The following TPO variants were observed in gnomAD, a reference collection of about 807,000 sequenced individuals.
TPO encodes the protein thyroid peroxidase.
In TPO, 78 loss-of-function variants were observed where a neutral mutation model predicts 96.9. The ratio of observed to expected loss-of-function variants is 0.81; its 90% confidence interval spans 0.67 to 0.97. TPO has a LOEUF of 0.97. Ranked by LOEUF, TPO falls within the 50% of genes least tolerant of loss-of-function variation. The probability of loss-of-function intolerance (pLI) is 0.00; values close to 1 mark genes in which losing one functional copy is unlikely to be tolerated. For missense variants in TPO, 1,252 were observed against 1,274.8 expected, an observed-to-expected ratio of 0.98 and a Z score of 0.27; for synonymous variants, 547 against 538.0, an observed-to-expected ratio of 1.02 and a Z score of -0.23.
chr2:1,430,921 A>T (rs1664914088), intron 3 of TPO, among the ~76,000 whole-genome samples: 1 of 152,236 alleles, frequency 6.6e-6, no homozygotes, highest in Non-Finnish European at 1.5e-5. Context: ...CATAGGTAGA[A>T]GGACCTCATC....
At chr2:1,516,608 G>A (rs917365845) in intron 14 of TPO, among the ~76,000 whole-genome samples, 22 of 152,182 alleles carry the variant, frequency 1.4e-4, no homozygotes, top group Admixed American at 8.5e-4. Context: ...CCTGCAGGAC[G>A]CGTCCATGCC....
At chr2:1,530,086 A>G (rs1370879138) in intron 15 of TPO, among the ~76,000 whole-genome samples, 2 of 136,728 alleles carry the variant, frequency 1.5e-5, no homozygotes, top group Non-Finnish European at 3.1e-5. Context: ...AACCTCCTCA[A>G]ATCCCCCCAC....
At chr2:1,379,462 G>C (rs1358424311) in intron 1 of TPO, among the ~76,000 whole-genome samples, 1 of 152,158 alleles carries the variant, frequency 6.6e-6, no homozygotes, top group African/African-American at 2.4e-5. Flanking sequence ...GGCTGATCAC[G>C]AGTCACCTTG....
At chr2:1,542,086 G>C (rs1224454336) in intron 16 of TPO, 8 of 410,342 alleles carry the variant, frequency 1.9e-5, no homozygotes, top group Non-Finnish European at 3.5e-5. Flanking sequence ...ACTGACACCA[G>C]GGGCAAGGCC....
chr2:1,540,569 A>ATAACTGGACAC (rs1680623273), intron 15 of TPO, 25 bp from the exon 16 acceptor site: 1 of 1,611,972 alleles, frequency 6.2e-7, no homozygotes, highest in African/African-American at 1.3e-5. Flanking sequence ...CCCTCTCCCG[A>ATAACTGGACAC]TAACTGGACA....
chr2:1,412,723 C>T (rs897387509), upstream of TPO, among the ~76,000 whole-genome samples: 6 of 152,104 alleles, frequency 3.9e-5, no homozygotes, highest in Admixed American at 1.3e-4. Context: ...ATAGGACTTC[C>T]GGGGGCATGA....
chr2:1,416,625 C>T (rs893951094), intron 2 of TPO, among the ~76,000 whole-genome samples: 5 of 152,226 alleles, frequency 3.3e-5, no homozygotes, highest in Admixed American at 6.5e-5. Flanking sequence ...AACTGCCCCG[C>T]GTGCTGGGCA....
chr2:1,445,706 C>G (rs1427677536), intron 5 of TPO, among the ~76,000 whole-genome samples: 2 of 140,322 alleles, frequency 1.4e-5, no homozygotes, highest in African/African-American at 5.4e-5. Context: ...GGGCAGGCTC[C>G]TTCTTGTTTG....
chr2:1,381,247 T>G (rs947048669), intron 1 of TPO, among the ~76,000 whole-genome samples: 2 of 151,982 alleles, frequency 1.3e-5, no homozygotes, highest in African/African-American at 4.8e-5. Context: ...GGGAGAAAAT[T>G]TTTGCAATCT....
chr2:1,450,432 C>T (rs1170841325), intron 5 of TPO, among the ~76,000 whole-genome samples: 1 of 152,184 alleles, frequency 6.6e-6, no homozygotes, highest in Non-Finnish European at 1.5e-5. Flanking sequence ...GGAGCACAGA[C>T]CTCAGTCTCC....
chr2:1,375,131 A>G (rs1661703242), intron 1 of TPO, among the ~76,000 whole-genome samples: 1 of 152,146 alleles, frequency 6.6e-6, no homozygotes, highest in Admixed American at 6.5e-5. Context: ...AAAAAGGGAA[A>G]AAAAAGCATG....
At chr2:1,498,231 C>CT (rs1672548816) in intron 13 of TPO, among the ~76,000 whole-genome samples, 1 of 152,188 alleles carries the variant, frequency 6.6e-6, no homozygotes, top group South Asian at 2.1e-4. Flanking sequence ...AAGGGAGAGG[C>CT]TGAGACCCTG....
rs776898102 is a variant in TPO at position 1,484,691 on chromosome 2, C to A, written c.1434C>A (p.Asn478Lys). Residue 478 changes from asparagine (N) to lysine (K), a missense_variant, in exon 9 of 17, where the codon AAC becomes AAA. By Grantham distance (94) the Asn-to-Lys change is moderately conservative. Coordinates refer to ENST00000329066, the MANE Select transcript of TPO (RefSeq NM_001206744.2). The part of the protein sequence containing the change: ...GPYEGYDSTA[N>K]PTVSNVFSTA... ...ATGAAGGCTATGACTCCACCGCCAACCCCACTGTGTCCAACGTGTTCTCCA... is the reference window on the plus strand; with the variant it reads ...ATGAAGGCTATGACTCCACCGCCAAACCCACTGTGTCCAACGTGTTCTCCA... The A allele has an allele frequency of 6.2e-7, 1 of 1,614,170 alleles. No individual in the cohort carries two copies. The highest frequency in any genetic ancestry group is 2.2e-5 in the East Asian group (1 of 44,864).
chr2:1,386,045 A>G (rs1194779525), intron 1 of TPO, among the ~76,000 whole-genome samples: 2 of 152,098 alleles, frequency 1.3e-5, no homozygotes, highest in African/African-American at 4.8e-5. Flanking sequence ...CTTAATCCTG[A>G]GTTCTAGTTT....
intron 8 of TPO, among the ~76,000 whole-genome samples, chr2:1,482,567 A>G (rs979182211): frequency 2.0e-5 from 3 of 152,200 alleles, no homozygotes; most frequent in African/African-American, 7.2e-5. Context: ...CCCAGGTCCA[A>G]TAGTTCAGAG....
At chr2:1,409,792 G>A (rs114549335), upstream of TPO, among the ~76,000 whole-genome samples, 22 of 105,220 alleles carry the variant, frequency 2.1e-4, no homozygotes, top group East Asian at 6.3e-4. Context: ...AAAACAGTGC[G>A]CGCACACACA....
In TPO at chr2:1,543,571, T is replaced by C. The variant is rs1218823291; in HGVS notation, c.*1097T>C. The C allele has an allele frequency of 6.6e-6, 1 of 152,184 alleles. No homozygotes were observed. The allele number at this position is 152,184 out of a possible 1,614,324, so 9.4% of individuals were successfully genotyped here. On this transcript the variant is annotated 3_prime_UTR_variant, in exon 17 of 17. Coordinates refer to ENST00000329066, the MANE Select transcript of TPO (RefSeq NM_001206744.2). ...GTGACCCAAAAATACCAGACTGTTG[T>C]TTTCCCTAGGTGCCAGGCCATCCTG...
At chr2:1,394,882 G>A (rs975495859) in intron 1 of TPO, among the ~76,000 whole-genome samples, 2 of 152,106 alleles carry the variant, frequency 1.3e-5, no homozygotes, top group South Asian at 2.1e-4. Flanking sequence ...TTGCAGGAGC[G>A]GAACTCAGGA....
intron 11 of TPO, among the ~76,000 whole-genome samples, 194 bp from the exon 12 acceptor site, chr2:1,495,795 G>A (rs556966064): frequency 1.3e-5 from 2 of 151,014 alleles, no homozygotes; most frequent in East Asian, 3.9e-4. Context: ...CCCGGGTGCT[G>A]GGGGTCTGGG....
Sources: allele counts gnomAD v4.1 joint callset (sites outside exome capture counted in the v4.1 genomes callset), GRCh38; gene constraint gnomAD v4.1.1; transcripts MANE v1.5; gene names NCBI Gene and HGNC (gene_info 2026-07-23, HGNC 2026-07-21).